The following DSCAM variants were observed in gnomAD, a reference collection of about 807,000 sequenced individuals.
DSCAM encodes the protein DS cell adhesion molecule.
DSCAM carries 47 observed loss-of-function variants against 217.7 expected under a neutral mutation model. That is an observed-to-expected ratio of 0.22 (90% confidence interval 0.17 to 0.28). The LOEUF (loss-of-function observed/expected upper bound fraction) is 0.28, where lower values mean the gene tolerates loss of function less well. Ranked by LOEUF, DSCAM falls within the 10% of genes least tolerant of loss-of-function variation. DSCAM has a pLI of 1.00. For missense variants in DSCAM, 2,080 were observed against 2,618.3 expected, an observed-to-expected ratio of 0.79 and a Z score of 4.49; for synonymous variants, 1,056 against 1,015.3, an observed-to-expected ratio of 1.04 and a Z score of -0.76.
intron 11 of DSCAM, among the ~76,000 whole-genome samples, chr21:40,193,271 C>T (rs1211931354): frequency 1.3e-5 from 2 of 152,118 alleles, no homozygotes; most frequent in African/African-American, 4.8e-5. Flanking sequence ...CCCAGGCTCA[C>T]CATGGATCTG....
At chr21:40,464,900 C>A (rs1428407825) in intron 3 of DSCAM, among the ~76,000 whole-genome samples, 1 of 151,942 alleles carries the variant, frequency 6.6e-6, no homozygotes, top group Non-Finnish European at 1.5e-5. Context: ...ATCACCATGC[C>A]CAGCTAATTT....
intron 3 of DSCAM, among the ~76,000 whole-genome samples, chr21:40,523,162 A>T (rs761697705): frequency 5.9e-5 from 9 of 152,154 alleles, no homozygotes; most frequent in Admixed American, 1.3e-4. Context: ...AGTGATACAG[A>T]AGCGGGCAGG....
At chr21:40,817,226 C>CT (rs1359874144) in intron 1 of DSCAM, among the ~76,000 whole-genome samples, 1 of 151,992 alleles carries the variant, frequency 6.6e-6, no homozygotes, top group Non-Finnish European at 1.5e-5. Context: ...CACACTTTTC[C>CT]TTTTTTTACA....
chr21:40,449,019 C>G (rs1215086373), intron 3 of DSCAM, among the ~76,000 whole-genome samples: 3 of 152,092 alleles, frequency 2.0e-5, no homozygotes, highest in Non-Finnish European at 2.9e-5. Flanking sequence ...ATTATTATTC[C>G]TTTTCCAGCT....
At chr21:40,329,494 G>C (rs1052541080) in intron 8 of DSCAM, among the ~76,000 whole-genome samples, 2 of 151,822 alleles carry the variant, frequency 1.3e-5, no homozygotes, top group Non-Finnish European at 2.9e-5. Context: ...CACGCCTGTA[G>C]TCCCAGCTAC....
intron 32 of DSCAM, among the ~76,000 whole-genome samples, chr21:40,031,632 A>C (rs1292371784): frequency 6.6e-6 from 1 of 152,128 alleles, no homozygotes; most frequent in Non-Finnish European, 1.5e-5. Context: ...CACCACCTAC[A>C]CACACAAACA....
chr21:40,041,768 A>C (rs1171082997), intron 32 of DSCAM, among the ~76,000 whole-genome samples: 1 of 152,178 alleles, frequency 6.6e-6, no homozygotes, highest in African/African-American at 2.4e-5. Context: ...GCCAAGTCCC[A>C]AACACTGACT....
At chr21:40,139,389 G>C (rs1307562828) in intron 18 of DSCAM, among the ~76,000 whole-genome samples, 2 of 151,990 alleles carry the variant, frequency 1.3e-5, no homozygotes, top group Middle Eastern at 3.2e-3. Context: ...TGGAAGGCAG[G>C]ACAACCTGAA....
chr21:40,683,592 AG>A (rs756379372), intron 3 of DSCAM, among the ~76,000 whole-genome samples: 6 of 152,256 alleles, frequency 3.9e-5, no homozygotes, highest in Non-Finnish European at 7.4e-5. Flanking sequence ...GAAGCAACAG[AG>A]GGCACAGCTG....
At position 40,175,770 on chromosome 21, in the gene DSCAM, A is replaced by AACACACACACACACACAC. The variant is rs1329501944; in HGVS notation, c.2947+3156_2947+3157insGTGTGTGTGTGTGTGTGT. Among the ~76,000 whole-genome samples the AACACACACACACACACAC allele has an allele frequency of 8.5e-4, 108 of 126,430 alleles. 3 individuals carry two copies. Among genetic ancestry groups the AACACACACACACACACAC allele is most frequent in the African/African-American group, 2.3e-3 (74 of 31,626 alleles). 82.9% of individuals were successfully genotyped at this position (126,430 alleles called of 152,430 possible). ...GGTTTAATCCAGCATATATTTTCTC[A>AACACACACACACACACAC]ACACACACATACACACACACACACA... On this transcript the variant is annotated intron_variant, in intron 15 of 32. Transcript: ENST00000400454.
At position 40,369,218 on chromosome 21, in the gene DSCAM, C is replaced by T; in HGVS notation, c.536G>A (p.Gly179Glu). Reference protein sequence around the residue: ...SGSRFLITSTGALYIKDVQNE... With the variant: ...SGSRFLITSTEALYIKDVQNE... ...CTGTACATCTTTAATATACAAGGCT[C>T]CCGTGGATGTGATGAGAAATCTAGA... Residue 179 changes from glycine to glutamate, a missense_variant, in exon 4 of 33, where the codon GGA (glycine) becomes GAA (glutamate). Physicochemically the swap from Gly to Glu is moderately conservative, Grantham distance 98. Coordinates refer to ENST00000400454, the MANE Select transcript of DSCAM (RefSeq NM_001389.5). 2 of 1,609,668 alleles carry T rather than the reference C, an allele frequency of 1.2e-6. No homozygotes were observed. The highest frequency in any genetic ancestry group is 1.7e-6 in the Non-Finnish European group (2 of 1,178,218).
At chr21:40,291,738 C>T (rs1403817619) in intron 10 of DSCAM, among the ~76,000 whole-genome samples, 1 of 152,142 alleles carries the variant, frequency 6.6e-6, no homozygotes, top group Non-Finnish European at 1.5e-5. Context: ...ATTTTAAATG[C>T]AAACTACTCC....
At chr21:40,491,951 C>T (rs2076079354) in intron 3 of DSCAM, among the ~76,000 whole-genome samples, 1 of 152,170 alleles carries the variant, frequency 6.6e-6, no homozygotes, top group Non-Finnish European at 1.5e-5. Context: ...TTTGATCATA[C>T]TATGTAATTT....
At chr21:40,825,266 T>TTTCCCTCCTTCC (rs2091958871) in intron 1 of DSCAM, among the ~76,000 whole-genome samples, 1 of 139,952 alleles carries the variant, frequency 7.1e-6, no homozygotes, top group Non-Finnish European at 1.5e-5. Flanking sequence ...ATTTTCTTTC[T>TTTCCCTCCTTCC]TTCCTTCCTT....
intron 11 of DSCAM, among the ~76,000 whole-genome samples, chr21:40,190,803 T>C (rs903936897): frequency 3.3e-5 from 5 of 152,108 alleles, no homozygotes; most frequent in East Asian, 1.9e-4. Context: ...AAAGAACACA[T>C]GAGAAAACTA....
intron 3 of DSCAM, among the ~76,000 whole-genome samples, chr21:40,590,926 A>G (rs1419163535): frequency 6.6e-6 from 1 of 151,940 alleles, no homozygotes; most frequent in Non-Finnish European, 1.5e-5. Flanking sequence ...ACAAAATGCC[A>G]TGGCTTATTG....
intron 30 of DSCAM, among the ~76,000 whole-genome samples, chr21:40,047,121 C>T (rs556454490): frequency 9.2e-5 from 14 of 152,002 alleles, no homozygotes; most frequent in South Asian, 4.2e-4. Context: ...TTCTGTACTG[C>T]GCTAGGCAGG....
intron 1 of DSCAM, among the ~76,000 whole-genome samples, chr21:40,789,248 G>A (rs941596716): frequency 6.9e-6 from 1 of 145,864 alleles, no homozygotes; most frequent in Non-Finnish European, 1.5e-5. Flanking sequence ...GCTGATAGCC[G>A]GAAGAAGACA....
chr21:40,303,368 C>T (rs1213385829), intron 9 of DSCAM, among the ~76,000 whole-genome samples: 1 of 152,082 alleles, frequency 6.6e-6, no homozygotes, highest in African/African-American at 2.4e-5. Context: ...TTGGAACTCG[C>T]TTCCTACAAT....
Sources: allele counts gnomAD v4.1 joint callset (sites outside exome capture counted in the v4.1 genomes callset), GRCh38; gene constraint gnomAD v4.1.1; transcripts MANE v1.5; gene names NCBI Gene and HGNC (gene_info 2026-07-23, HGNC 2026-07-21).